The following POT1 variants were observed in gnomAD, a reference collection of about 807,000 sequenced individuals.
POT1 encodes protection of telomeres 1, also known as protection of telomeres protein 1.
Under a neutral mutation model 78.5 loss-of-function variants are expected in POT1, and 47 were observed. The observed-to-expected ratio is 0.60, with a 90% CI of 0.47 to 0.76. The LOEUF (loss-of-function observed/expected upper bound fraction) is 0.76. POT1 is among the 30% of genes least tolerant of loss of function. POT1 has a pLI of 0.00. For synonymous variants in POT1, 259 were observed against 260.7 expected (o/e 0.99, Z 0.06); for missense variants, 646 against 749.9 (o/e 0.86, Z 1.62).
chr7:124,843,945 A>G (rs1376064935), intron 12 of POT1, among the ~76,000 whole-genome samples: 1 of 152,120 alleles, frequency 6.6e-6, no homozygotes, highest in Admixed American at 6.5e-5. Flanking sequence ...AAGTAATTAC[A>G]CCTCTTTTCA....
chr7:124,849,712 G>T (rs1795257854), intron 11 of POT1, among the ~76,000 whole-genome samples: 1 of 151,986 alleles, frequency 6.6e-6, no homozygotes, highest in Admixed American at 6.6e-5. Flanking sequence ...AACTGGTAAC[G>T]ATCTCAACAT....
At chr7:124,878,349 G>A (rs1350102272) in intron 6 of POT1, among the ~76,000 whole-genome samples, 2 of 151,594 alleles carry the variant, frequency 1.3e-5, no homozygotes, top group African/African-American at 4.9e-5. Context: ...AGGGGGTGGG[G>A]GGAAGAAGCT....
chr7:124,897,725 A>G (rs755522823), intron 4 of POT1, among the ~76,000 whole-genome samples: 4 of 151,938 alleles, frequency 2.6e-5, no homozygotes, highest in South Asian at 2.1e-4. Flanking sequence ...CAGTGCTTAT[A>G]GTACCTTTGT....
At chr7:124,912,689 T>C (rs530904871) in intron 3 of POT1, among the ~76,000 whole-genome samples, 170 of 152,298 alleles carry the variant, frequency 1.1e-3, no homozygotes, top group Non-Finnish European at 1.9e-3. Context: ...GTATTCAATA[T>C]ATTGTTTAAT....
Position 124,863,331 on chromosome 7 carries a change from A to C in POT1, c.546+19T>G, listed in dbSNP as rs780551599. On this transcript the variant is annotated intron_variant, in intron 8 of 18. Transcript: ENST00000357628. ...TAAGTGGTGCTAACTTATAATTCCC[A>C]GTATTAAAAAATATGTACCTTTAGA... The C allele has an allele frequency of 6.3e-7, 1 of 1,596,472 alleles. No individual in the cohort carries two copies. The highest frequency in any genetic ancestry group is 1.1e-5 in the South Asian group (1 of 87,696).
intron 15 of POT1, among the ~76,000 whole-genome samples, chr7:124,832,008 A>AAT: frequency 1.6e-5 from 1 of 62,774 alleles, no homozygotes; most frequent in African/African-American, 4.4e-5. Context: ...ATAAAAAAAA[A>AAT]AAAAAAAAAA....
intron 6 of POT1, among the ~76,000 whole-genome samples, chr7:124,877,735 A>T (rs1028279640): frequency 2.7e-5 from 4 of 149,240 alleles, no homozygotes; most frequent in African/African-American, 9.8e-5. Context: ...CGTGAGGCTG[A>T]GGCAGGAGAG....
chr7:124,879,432 G>A (rs1018503828), intron 6 of POT1, among the ~76,000 whole-genome samples: 11 of 152,222 alleles, frequency 7.2e-5, no homozygotes, highest in African/African-American at 2.2e-4. Flanking sequence ...TCTGTGCCAC[G>A]GTTTGGAAAT....
rs545653312 is a variant in POT1 at position 124,885,362 on chromosome 7, A to T, written c.124+6904T>A. 2.0e-5 allele frequency among the ~76,000 whole-genome samples: 3 copies of T among 151,300 alleles called. No homozygotes were observed. In the East Asian group the frequency reaches 5.9e-4, roughly 30 times the overall value. ...GTGGCACATGCTGCTAGTTCCAGCTACTAGGGAGGCTGAGGTGGGAGGATT... is the reference window on the plus strand; with the variant it reads ...GTGGCACATGCTGCTAGTTCCAGCTTCTAGGGAGGCTGAGGTGGGAGGATT... On this transcript the variant is annotated intron_variant, in intron 6 of 18. Coordinates refer to ENST00000357628, the MANE Select transcript of POT1 (RefSeq NM_015450.3).
At chr7:124,828,122 T>C (rs1420171008) in intron 16 of POT1, among the ~76,000 whole-genome samples, 1 of 152,196 alleles carries the variant, frequency 6.6e-6, no homozygotes, top group Non-Finnish European at 1.5e-5. Context: ...ACTCATTGCA[T>C]GTTAGTTTTA....
intron 6 of POT1, among the ~76,000 whole-genome samples, chr7:124,873,689 T>C (rs903368128): frequency 1.3e-5 from 2 of 152,160 alleles, no homozygotes; most frequent in South Asian, 4.1e-4. Context: ...CTCCATTGAA[T>C]GTTTGATACA....
chr7:124,909,641 C>T (rs1796843580), intron 3 of POT1, among the ~76,000 whole-genome samples: 1 of 151,862 alleles, frequency 6.6e-6, no homozygotes, highest in Non-Finnish European at 1.5e-5. Flanking sequence ...CCATTATTAA[C>T]AACCTCTGTT....
chr7:124,871,589 A>C (rs1008327129), intron 6 of POT1, among the ~76,000 whole-genome samples: 1 of 152,124 alleles, frequency 6.6e-6, no homozygotes, highest in Admixed American at 6.5e-5. Context: ...CTTGCTAGTC[A>C]CCTATAAAAA....
intron 6 of POT1, among the ~76,000 whole-genome samples, chr7:124,879,096 T>C (rs1273019749): frequency 6.6e-6 from 1 of 152,200 alleles, no homozygotes; most frequent in African/African-American, 2.4e-5. Context: ...ATACTAATTG[T>C]TTGATAAATT....
intron 10 of POT1, 57 bp downstream of exon 10, chr7:124,852,915 C>T (rs763935335): frequency 8.5e-5 from 126 of 1,484,382 alleles, no homozygotes; most frequent in Non-Finnish European, 1.1e-4. Flanking sequence ...ACAATATTAT[C>T]TTAGAAATCG....
chr7:124,855,657 TACTAAAAAAAAACTAGAAAC>T (rs2116514310), intron 9 of POT1, among the ~76,000 whole-genome samples: 1 of 150,508 alleles, frequency 6.6e-6, no homozygotes, highest in African/African-American at 2.4e-5. Flanking sequence ...TCTATTTAAA[TACTAAAAAAAAACTAGAAAC>T]ACTAAAAAAA....
chr7:124,881,245 T>C (rs1796111537), intron 6 of POT1, among the ~76,000 whole-genome samples: 1 of 151,870 alleles, frequency 6.6e-6, no homozygotes, highest in African/African-American at 2.4e-5. Flanking sequence ...ATCAGTCATT[T>C]CCCCTAACTG....
intron 6 of POT1, among the ~76,000 whole-genome samples, chr7:124,889,635 A>G (rs907015741): frequency 6.6e-6 from 1 of 152,026 alleles, no homozygotes; most frequent in Non-Finnish European, 1.5e-5. Flanking sequence ...AGTCTAATGC[A>G]GTTGATGACT....
chr7:124,904,835 C>T (rs1284994830), intron 3 of POT1, among the ~76,000 whole-genome samples: 1 of 152,182 alleles, frequency 6.6e-6, no homozygotes, highest in African/African-American at 2.4e-5. Context: ...AAATCACAAG[C>T]ATTCCTATAT....
Sources: gnomAD v4.1 joint callset for allele counts (sites outside exome capture counted in the v4.1 genomes callset) on GRCh38, gnomAD v4.1.1 for gene constraint, MANE v1.5 for transcripts, NCBI Gene and HGNC (gene_info 2026-07-23, HGNC 2026-07-21) for gene names.